HMCN2: variants seen among roughly 807,000 people sequenced by gnomAD.
HMCN2 encodes the protein hemicentin-2.
HMCN2 carries 325 observed loss-of-function variants against 377.5 expected under a neutral mutation model. The observed-to-expected ratio is 0.86, with a 90% CI of 0.79 to 0.94. The LOEUF is 0.94. HMCN2 is among the 40% of genes least tolerant of loss of function. The pLI, the probability that HMCN2 is intolerant of heterozygous loss-of-function variation, is 0.00. For missense variants in HMCN2, 4,543 were observed against 4,725.3 expected, an observed-to-expected ratio of 0.96 and a Z score of 1.13; for synonymous variants, 2,007 against 2,046.8, an observed-to-expected ratio of 0.98 and a Z score of 0.53.
intron 25 of HMCN2, among the ~76,000 whole-genome samples, chr9:130,344,267 G>A (rs1024159021): frequency 5.9e-5 from 9 of 152,050 alleles, no homozygotes; most frequent in East Asian, 1.9e-4. Context: ...GTGAGTGTGC[G>A]AATGTGTAGT....
intron 97 of HMCN2, 125 bp downstream of exon 97, chr9:130,432,680 C>T: frequency 1.9e-6 from 2 of 1,053,300 alleles, no homozygotes; most frequent in Non-Finnish European, 1.4e-6. Flanking sequence ...ACGCACGGAG[C>T]CCTGGGGGCA....
intron 22 of HMCN2, among the ~76,000 whole-genome samples, chr9:130,328,156 T>C (rs1425990274): frequency 2.2e-4 from 33 of 152,172 alleles, no homozygotes; most frequent in African/African-American, 7.0e-4. Flanking sequence ...GCCCCCACCA[T>C]GTGTCAGTGC....
intron 1 of HMCN2, among the ~76,000 whole-genome samples, chr9:130,268,836 A>G (rs1474630510): frequency 6.7e-6 from 1 of 148,260 alleles, no homozygotes; most frequent in Non-Finnish European, 1.5e-5. Context: ...GAAGGGCAAG[A>G]TTGGACACAG....
At chr9:130,410,452 T>C (rs969402661) in intron 84 of HMCN2, 119 bp from the exon 85 acceptor site, 98 of 799,426 alleles carry the variant, frequency 1.2e-4, no homozygotes, top group Middle Eastern at 6.8e-4. Context: ...CAGGTGCCCC[T>C]GGCTGGTTCA....
chr9:130,334,895 G>C (rs1838660137), intron 22 of HMCN2, among the ~76,000 whole-genome samples: 1 of 151,020 alleles, frequency 6.6e-6, no homozygotes, highest in Non-Finnish European at 1.5e-5. Context: ...GCCCAGGCTG[G>C]AGTACAGTGG....
intron 15 of HMCN2, among the ~76,000 whole-genome samples, chr9:130,318,854 C>T (rs1837699514): frequency 6.6e-6 from 1 of 152,204 alleles, no homozygotes; most frequent in African/African-American, 2.4e-5. Context: ...GTTCAGCCAA[C>T]AGGGCAAGCT....
At chr9:130,378,325 G>T (rs1274099100) in intron 53 of HMCN2, among the ~76,000 whole-genome samples, 1 of 139,546 alleles carries the variant, frequency 7.2e-6, no homozygotes, top group Non-Finnish European at 1.5e-5. Flanking sequence ...GAGGAGGCTG[G>T]GGAGGAGGCT....
In HMCN2 at chr9:130,403,687, C is replaced by T. The variant is rs879031664; in HGVS notation, c.12014-54C>T. On this transcript the variant is annotated intron_variant, in intron 79 of 97. Coordinates refer to ENST00000683500, the MANE Select transcript of HMCN2 (RefSeq NM_001291815.2). The stretch of plus-strand genomic sequence containing the variant: ...ACAGAATAGCCCAATCTGCCCACCT[C>T]GGGGGTCCCCAGTCCCAGTTCCCAG... 71 of 1,276,926 alleles carry T rather than the reference C, an allele frequency of 5.6e-5. No homozygotes were observed. The African/African-American group carries it at 9.3e-4, about 17-fold the overall frequency. The allele number at this position is 1,276,926 out of a possible 1,614,324, so 79.1% of individuals were successfully genotyped here.
chr9:130,415,300 C>T (rs1176919281), intron 85 of HMCN2, among the ~76,000 whole-genome samples: 1 of 152,210 alleles, frequency 6.6e-6, no homozygotes, highest in Non-Finnish European at 1.5e-5. Context: ...TCAACAGACA[C>T]CAACTGAGAT....
chr9:130,307,192 G>A (rs78472974), intron 13 of HMCN2, among the ~76,000 whole-genome samples: 10,963 of 152,150 alleles, frequency 0.072, 507 homozygotes, highest in Non-Finnish European at 0.1. Flanking sequence ...ACGTGTGCTG[G>A]GGGCGAGGGA....
chr9:130,429,643 C>T lies in HMCN2; in HGVS notation c.14284C>T (p.Pro4762Ser), dbSNP rs764719400. Residue 4762 changes from proline (P) to serine (S), a missense_variant, in exon 94 of 98, where the codon CCC becomes TCC. Pro to Ser is a moderately conservative substitution (Grantham distance 74). Around this residue, in one of 5 missense-constraint regions of HMCN2, gnomAD observed 1,155 missense variants for 1,157.7 expected, o/e 1.00. Transcript: ENST00000683500. The part of the protein sequence containing the change: ...NTPGGHRCSC[P>S]RGYRMQGPSL... ...CCCAGGCGGTCACCGCTGCAGCTGC[C>T]CCAGGGGTTACCGGATGCAGGGCCC... The T allele has an allele frequency of 3.2e-6, 5 of 1,547,740 alleles. No individual in the cohort carries two copies. Among genetic ancestry groups the T allele is most frequent in the Non-Finnish European group, 3.5e-6 (4 of 1,145,480 alleles).
chr9:130,426,352 T>C (rs191438028), intron 90 of HMCN2, among the ~76,000 whole-genome samples: 127 of 152,348 alleles, frequency 8.3e-4, no homozygotes, highest in Non-Finnish European at 3.8e-4. Context: ...TAAAGATACA[T>C]ACGTTCACAT....
At chr9:130,269,266 C>CTTTTTTTTTT (rs56326154) in intron 1 of HMCN2, among the ~76,000 whole-genome samples, 1 of 116,558 alleles carries the variant, frequency 8.6e-6, no homozygotes, top group Non-Finnish European at 1.9e-5. Flanking sequence ...GCCCTGGTTC[C>CTTTTTTTTTT]TTTTTTTTTT....
intron 59 of HMCN2, 90 bp from the exon 60 acceptor site, chr9:130,385,470 G>C: frequency 1.1e-6 from 1 of 921,850 alleles, no homozygotes; most frequent in Non-Finnish European, 1.5e-6. Flanking sequence ...GTGTGACCCT[G>C]GTGGGTTTCC....
rs112397517 is a variant in HMCN2 at position 130,432,993 on chromosome 9, C to T, written c.14895-355C>T. 1,561 of 381,434 alleles carry T rather than the reference C, an allele frequency of 4.1e-3. 18 individuals carry two copies. Among genetic ancestry groups the T allele is most frequent in the Middle Eastern group, 0.023 (33 of 1,454 alleles). 23.6% of individuals were successfully genotyped at this position (381,434 alleles called of 1,614,324 possible). On this transcript the variant is annotated intron_variant, in intron 97 of 97. Transcript: ENST00000683500. ...AGCAGATGCCCGCGGCAAGGCTAAG[C>T]GCAGTCTCCACCTCCAACCCCGCCC...
Position 130,385,746 on chromosome 9 carries a change from A to G in HMCN2, c.9293A>G (p.Glu3098Gly), listed in dbSNP as rs1588365438. 1 of 1,303,822 alleles carries G rather than the reference A, an allele frequency of 7.7e-7. No homozygotes were observed. Among genetic ancestry groups the G allele is most frequent in the Non-Finnish European group, 1.0e-6 (1 of 988,826 alleles). The allele number at this position is 1,303,822 out of a possible 1,614,324, so 80.8% of individuals were successfully genotyped here. Residue 3098 changes from glutamate (E) to glycine (G), a missense_variant, in exon 60 of 98, where the codon GAG (glutamate) becomes GGG (glycine). This residue lies in a region of HMCN2 where 736 missense variants were observed against 773.2 expected (regional missense o/e 0.95). Transcript: ENST00000683500. ...GCTCTGCGGGGTGGGCAGAGGCTGG[A>G]GATCCAGGAAGCCCAGGTGAGCAAC... ...TQALRGGQRL[E>G]IQEAQVSDKG...
At chr9:130,371,206 C>G (rs1207221573) in intron 46 of HMCN2, 75 bp downstream of exon 46, 1 of 857,660 alleles carries the variant, frequency 1.2e-6, no homozygotes, top group African/African-American at 1.8e-5. Context: ...ATTACATGCC[C>G]ATGACCTCTG....
chr9:130,269,983 G>A (rs566247989), intron 1 of HMCN2, among the ~76,000 whole-genome samples: 42 of 147,914 alleles, frequency 2.8e-4, no homozygotes, highest in African/African-American at 1.0e-3. Context: ...GCTAATTTTT[G>A]TATTTTTAGT....
intron 15 of HMCN2, among the ~76,000 whole-genome samples, chr9:130,314,555 C>T (rs1837436910): frequency 6.6e-6 from 1 of 152,170 alleles, no homozygotes; most frequent in Non-Finnish European, 1.5e-5. Flanking sequence ...TCGCAGCATT[C>T]CCTCTGTGGG....
Sources: allele counts gnomAD v4.1 joint callset (sites outside exome capture counted in the v4.1 genomes callset), GRCh38; gene constraint gnomAD v4.1.1; regional missense constraint gnomAD v4.1.1; transcripts MANE v1.5; gene names NCBI Gene and HGNC (gene_info 2026-07-23, HGNC 2026-07-21).